ADGRL2: variants seen among roughly 807,000 people sequenced by gnomAD.
ADGRL2 encodes the protein calcium-independent alpha-latrotoxin receptor 2.
Under a neutral mutation model 157.4 loss-of-function variants are expected in ADGRL2, and 44 were observed. That is an observed-to-expected ratio of 0.28 (90% CI 0.22 to 0.36). The LOEUF is 0.36. ADGRL2 is among the 10% of genes least tolerant of loss of function. The pLI, the probability that ADGRL2 is intolerant of heterozygous loss-of-function variation, is 1.00. For missense variants in ADGRL2, 1,510 were observed against 1,768.9 expected (o/e 0.85, Z 2.63); for synonymous variants, 585 against 624.7 (o/e 0.94, Z 0.95).
chr1:81,833,466 A>C (rs1361528904), intron 1 of ADGRL2, among the ~76,000 whole-genome samples: 2 of 152,196 alleles, frequency 1.3e-5, no homozygotes, highest in African/African-American at 4.8e-5. Context: ...TTAGTTAACC[A>C]GTTTTAGAAA....
intron 1 of ADGRL2, among the ~76,000 whole-genome samples, chr1:81,432,785 G>A (rs762293118): frequency 6.6e-6 from 1 of 152,152 alleles, no homozygotes; most frequent in Non-Finnish European, 1.5e-5. Flanking sequence ...TGACAGGAAA[G>A]TTTCAAGAGT....
In ADGRL2 at chr1:81,705,322, C is replaced by T. The variant is rs1436019434; in HGVS notation, c.-143+5514C>T. Among the ~76,000 whole-genome samples the T allele has an allele frequency of 3.9e-5, 6 of 152,270 alleles. No homozygotes were observed. In the South Asian group the frequency reaches 8.3e-4, roughly 21 times the overall value. On this transcript the variant is annotated intron_variant, in intron 1 of 20. Transcript: ENST00000359929. ...CTGGGATTATAGGCATGAGCCACCA[C>T]GCCCAGCCCTGTGTATTATTTTTCT...
intron 2 of ADGRL2, among the ~76,000 whole-genome samples, chr1:81,530,953 G>A (rs1160467166): frequency 2.1e-5 from 3 of 143,348 alleles, no homozygotes; most frequent in East Asian, 3.9e-4. Context: ...GCATGGTGGC[G>A]CACACCTGTA....
At chr1:81,583,314 A>G (rs2080955438) in intron 3 of ADGRL2, among the ~76,000 whole-genome samples, 4 of 152,176 alleles carry the variant, frequency 2.6e-5, no homozygotes, top group Admixed American at 2.6e-4. Flanking sequence ...ATCTGAATAA[A>G]GGTGGTAGTT....
intron 2 of ADGRL2, among the ~76,000 whole-genome samples, chr1:81,899,521 A>G (rs1315552782): frequency 1.3e-5 from 2 of 152,090 alleles, no homozygotes; most frequent in Admixed American, 6.6e-5. Flanking sequence ...TTTCAAAATC[A>G]TTTGTTCAGA....
intron 2 of ADGRL2, among the ~76,000 whole-genome samples, chr1:81,525,865 A>G (rs749320701): frequency 2.0e-5 from 3 of 152,212 alleles, no homozygotes; most frequent in Non-Finnish European, 2.9e-5. Flanking sequence ...AAATTACTTG[A>G]CATTACTTTT....
chr1:81,656,124 C>T (rs899986542), intron 3 of ADGRL2, among the ~76,000 whole-genome samples: 3 of 152,176 alleles, frequency 2.0e-5, no homozygotes, highest in Non-Finnish European at 2.9e-5. Context: ...ATCTCTAACA[C>T]TTTGTGGGAG....
At chr1:81,541,667 C>T (rs929632725) in intron 2 of ADGRL2, among the ~76,000 whole-genome samples, 5 of 151,970 alleles carry the variant, frequency 3.3e-5, no homozygotes, top group South Asian at 2.1e-4. Flanking sequence ...ATATCTTTTC[C>T]GGCTGGGCAC....
At chr1:81,387,195 G>A (rs1431798343) in intron 1 of ADGRL2, among the ~76,000 whole-genome samples, 2 of 152,026 alleles carry the variant, frequency 1.3e-5, no homozygotes, top group African/African-American at 2.4e-5. Flanking sequence ...GAAAACACTT[G>A]GACTTGTAAA....
At chr1:81,507,871 C>A (rs2079006756) in intron 2 of ADGRL2, among the ~76,000 whole-genome samples, 1 of 152,172 alleles carries the variant, frequency 6.6e-6, no homozygotes, top group Admixed American at 6.5e-5. Context: ...GAGCCAGCTA[C>A]ATTGTCTGTT....
intron 2 of ADGRL2, among the ~76,000 whole-genome samples, chr1:81,521,962 T>A (rs1296738877): frequency 7.5e-6 from 1 of 133,978 alleles, no homozygotes; most frequent in Non-Finnish European, 1.5e-5. Context: ...ATAAATGTAC[T>A]TTTTGTTTTT....
At chr1:81,840,539 A>G (rs1309098490) in intron 2 of ADGRL2, among the ~76,000 whole-genome samples, 1 of 152,124 alleles carries the variant, frequency 6.6e-6, no homozygotes, top group Non-Finnish European at 1.5e-5. Flanking sequence ...ATCACTAAGC[A>G]TTTTTAAAGT....
At chr1:81,589,849 A>G (rs1458246763) in intron 3 of ADGRL2, among the ~76,000 whole-genome samples, 1 of 152,180 alleles carries the variant, frequency 6.6e-6, no homozygotes, top group African/African-American at 2.4e-5. Flanking sequence ...TCAACCTCTA[A>G]CTGGCTCATG....
intron 3 of ADGRL2, among the ~76,000 whole-genome samples, chr1:81,592,166 A>G (rs1430506287): frequency 6.6e-6 from 1 of 152,194 alleles, no homozygotes; most frequent in Non-Finnish European, 1.5e-5. Flanking sequence ...GAGACATTGC[A>G]TCAGCTACTA....
At chr1:81,654,420 C>T (rs2082487139) in intron 3 of ADGRL2, among the ~76,000 whole-genome samples, 1 of 152,188 alleles carries the variant, frequency 6.6e-6, no homozygotes, top group Non-Finnish European at 1.5e-5. Flanking sequence ...TTATTCAAGC[C>T]CATTTAATGA....
upstream of ADGRL2, among the ~76,000 whole-genome samples, chr1:81,799,185 A>G (rs1484111611): frequency 6.6e-6 from 1 of 152,162 alleles, no homozygotes; most frequent in Non-Finnish European, 1.5e-5. Context: ...GTAAAAACTT[A>G]GGTACGTTAT....
chr1:81,722,911 T>G, intron 1 of ADGRL2: 2 of 732,790 alleles, frequency 2.7e-6, no homozygotes, highest in South Asian at 1.4e-5. Flanking sequence ...TCAATGAAAT[T>G]CTTAGTGATC....
intron 1 of ADGRL2, among the ~76,000 whole-genome samples, chr1:81,390,148 G>A (rs1392430361): frequency 6.6e-6 from 1 of 152,282 alleles, no homozygotes; most frequent in African/African-American, 2.4e-5. Flanking sequence ...TCATTCTTAA[G>A]GCAACCAGAA....
At chr1:81,593,288 G>A (rs2081169633) in intron 3 of ADGRL2, among the ~76,000 whole-genome samples, 1 of 152,174 alleles carries the variant, frequency 6.6e-6, no homozygotes, top group Admixed American at 6.6e-5. Context: ...ATTAAATAGT[G>A]TAATAACAAT....
Sources: allele counts gnomAD v4.1 joint callset (sites outside exome capture counted in the v4.1 genomes callset), GRCh38; gene constraint gnomAD v4.1.1; transcripts MANE v1.5; gene names NCBI Gene and HGNC (gene_info 2026-07-23, HGNC 2026-07-21).